DNAH7: variants seen among roughly 807,000 people sequenced by gnomAD.
The protein encoded by DNAH7 is dynein axonemal heavy chain 7, also known as axonemal beta dynein heavy chain 7.
A neutral mutation model predicts 444.6 loss-of-function variants in DNAH7; 397 were observed. The ratio of observed to expected loss-of-function variants is 0.89; its 90% CI spans 0.82 to 0.97. DNAH7 has a LOEUF of 0.97. Ranked by LOEUF, DNAH7 falls within the 50% of genes least tolerant of loss-of-function variation. The probability of loss-of-function intolerance (pLI) is 0.00; values close to 1 mark genes in which losing one functional copy is unlikely to be tolerated. For missense variants in DNAH7, 4,902 were observed against 4,800.8 expected (o/e 1.02, Z -0.62); for synonymous variants, 1,636 against 1,624.4 (o/e 1.01, Z -0.17).
chr2:196,005,911 C>T (rs1326264229), intron 10 of DNAH7, among the ~76,000 whole-genome samples: 2 of 147,478 alleles, frequency 1.4e-5, no homozygotes, highest in East Asian at 3.9e-4. Context: ...ACTACAAAGA[C>T]ATAACACACA....
chr2:195,931,677 G>A (rs1467124451), intron 21 of DNAH7, among the ~76,000 whole-genome samples: 2 of 152,064 alleles, frequency 1.3e-5, no homozygotes, highest in Non-Finnish European at 2.9e-5. Context: ...TATTAAATAG[G>A]GAATCCTTTC....
In DNAH7 at chr2:195,988,027, T is replaced by A. The variant is rs1452611731; in HGVS notation, c.1556A>T (p.Tyr519Phe). The A allele has an allele frequency of 3.1e-6, 5 of 1,613,342 alleles. No individual in the cohort carries two copies. Among genetic ancestry groups the A allele is most frequent in the Admixed American group, 1.7e-5 (1 of 59,900 alleles). The part of the protein sequence containing the change: ...VDNFLAENHS[Y>F]EKIIDEICKY... ...GCAAATTTCATCTATTATTTTTTCA[T>A]AACTATGATTTTCTGCGAGGAAGTT... The change falls in exon 13 of 65, where the codon TAT becomes TTT. Residue 519 changes from tyrosine (Y) to phenylalanine (F), a missense_variant. Tyr to Phe is a conservative substitution (Grantham distance 22). Coordinates refer to ENST00000312428, the MANE Select transcript of DNAH7 (RefSeq NM_018897.3).
rs1695707581 is a variant in DNAH7 at position 196,026,663 on chromosome 2, A to G, written c.667+97T>C. The G allele has an allele frequency of 3.7e-6, 3 of 813,476 alleles. 1 individual carries two copies. In the East Asian group the frequency reaches 8.2e-5, roughly 22 times the overall value. The allele number at this position is 813,476 out of a possible 1,614,324, so 50.4% of individuals were successfully genotyped here. On this transcript the variant is annotated intron_variant, in intron 7 of 64. Coordinates refer to ENST00000312428, the MANE Select transcript of DNAH7 (RefSeq NM_018897.3). ...ATGTAAGAAATGGCATAATTATAAT[A>G]TTGTGACTAGTTTCAAGTATAGGTA...
intron 56 of DNAH7, among the ~76,000 whole-genome samples, 157 bp from the exon 57 acceptor site, chr2:195,794,695 C>A (rs1696054376): frequency 6.6e-6 from 1 of 152,188 alleles, no homozygotes; most frequent in South Asian, 2.1e-4. Flanking sequence ...AAATCTGATG[C>A]TGCTCCTAAA....
intron 6 of DNAH7, among the ~76,000 whole-genome samples, chr2:196,027,393 T>C (rs1445814963): frequency 6.6e-6 from 1 of 151,984 alleles, no homozygotes; most frequent in African/African-American, 2.4e-5. Flanking sequence ...TTCCATACTA[T>C]AATTTTATAG....
chr2:195,802,936 A>C (rs1696544214), intron 54 of DNAH7, among the ~76,000 whole-genome samples: 1 of 152,220 alleles, frequency 6.6e-6, no homozygotes, highest in African/African-American at 2.4e-5. Context: ...GCTCTCACTT[A>C]TAAGTGACAA....
chr2:195,918,190 C>T (rs142607361), intron 24 of DNAH7, among the ~76,000 whole-genome samples: 2,974 of 152,300 alleles, frequency 0.02, 47 homozygotes, highest in Non-Finnish European at 0.03. Context: ...AAAAGATGCT[C>T]AGCATCATAT....
intron 61 of DNAH7, among the ~76,000 whole-genome samples, chr2:195,758,207 C>A (rs1694176669): frequency 6.6e-6 from 1 of 152,194 alleles, no homozygotes; most frequent in Non-Finnish European, 1.5e-5. Context: ...TCAACAATCA[C>A]CGGTATTCTT....
intron 24 of DNAH7, among the ~76,000 whole-genome samples, chr2:195,913,037 G>A (rs1687453142): frequency 6.6e-6 from 1 of 151,894 alleles, no homozygotes; most frequent in African/African-American, 2.4e-5. Flanking sequence ...AAAAGCTAGG[G>A]AATCTACCCT....
At position 196,046,429 on chromosome 2, in the gene DNAH7, GA is replaced by G. The variant is rs199773954; in HGVS notation, c.398+922del. Among the ~76,000 whole-genome samples the G allele has an allele frequency of 4.7e-3, 698 of 147,864 alleles. 1 individual carries two copies. The highest frequency in any genetic ancestry group is 4.9e-3 in the East Asian group (25 of 5,094). On this transcript the variant is annotated intron_variant, in intron 5 of 64. Coordinates refer to ENST00000312428, the MANE Select transcript of DNAH7 (RefSeq NM_018897.3). ...TCTTTCTTGGGCAGGGCTCCAGGTA[GA>G]AAAAAAAAAATTCTTCTAAAAATTT... is the stretch of plus-strand genomic sequence containing the variant.
chr2:195,892,057 G>C (rs1351915627), intron 30 of DNAH7, among the ~76,000 whole-genome samples: 1 of 151,780 alleles, frequency 6.6e-6, no homozygotes, highest in Non-Finnish European at 1.5e-5. Flanking sequence ...AAAATACTTA[G>C]GAAGAAATTA....
At chr2:195,922,029 C>A in intron 24 of DNAH7, 59 bp downstream of exon 24, 1 of 944,652 alleles carries the variant, frequency 1.1e-6, no homozygotes, top group Non-Finnish European at 1.7e-6. Context: ...TTAAATAAAT[C>A]AGTGGTACAG....
intron 2 of DNAH7, among the ~76,000 whole-genome samples, chr2:196,056,762 C>T (rs1051404713): frequency 2.0e-5 from 3 of 152,304 alleles, no homozygotes; most frequent in African/African-American, 7.2e-5. Context: ...TCCTCAGTCT[C>T]TTATTATTGC....
chr2:196,029,480 C>A (rs1575059758), intron 5 of DNAH7, among the ~76,000 whole-genome samples: 1 of 151,914 alleles, frequency 6.6e-6, no homozygotes, highest in East Asian at 1.9e-4. Flanking sequence ...CTCCATGATT[C>A]TATCATTCTA....
chr2:195,875,580 A>G, intron 38 of DNAH7, 95 bp downstream of exon 38: 1 of 1,161,466 alleles, frequency 8.6e-7, no homozygotes, highest in Non-Finnish European at 1.2e-6. Flanking sequence ...TACACAAAAC[A>G]CTGCAACTCA....
chr2:195,770,127 T>C (rs1694765325), intron 61 of DNAH7, among the ~76,000 whole-genome samples: 1 of 152,142 alleles, frequency 6.6e-6, no homozygotes, highest in South Asian at 2.1e-4. Flanking sequence ...TAATAACTCA[T>C]AAGCAGCCAC....
At chr2:195,792,066 C>T (rs1695899582) in intron 57 of DNAH7, among the ~76,000 whole-genome samples, 1 of 145,466 alleles carries the variant, frequency 6.9e-6, no homozygotes, top group Non-Finnish European at 1.5e-5. Context: ...ACTCATGAGG[C>T]TGAGGTGGGA....
chr2:195,921,449 C>T (rs559247083), intron 24 of DNAH7, among the ~76,000 whole-genome samples: 116 of 151,722 alleles, frequency 7.6e-4, no homozygotes, highest in African/African-American at 2.3e-3. Flanking sequence ...TCACAGCAAC[C>T]GGGATGGAGT....
rs1240272282 is a variant in DNAH7 at position 195,876,688 on chromosome 2, T to C, written c.5973A>G (p.Leu1991=). The change falls in exon 37 of 65, where the codon TTA becomes TTG. Residue 1991 remains leucine (L), a synonymous_variant. Coordinates refer to ENST00000312428, the MANE Select transcript of DNAH7 (RefSeq NM_018897.3). ...TGTAGATTTCCTTATTTAGTTGATT[T>C]AAAAGAAAATTCTATATAACAAAAT... ...GKSVYITNFL[L]NQLNKEIYKP... The C allele has an allele frequency of 6.3e-7, 1 of 1,580,860 alleles. No homozygotes were observed. Among genetic ancestry groups the C allele is most frequent in the East Asian group, 2.2e-5 (1 of 44,616 alleles).
Sources: allele counts gnomAD v4.1 joint callset (sites outside exome capture counted in the v4.1 genomes callset), GRCh38; gene constraint gnomAD v4.1.1; transcripts MANE v1.5; gene names NCBI Gene and HGNC (gene_info 2026-07-23, HGNC 2026-07-21).